Variants in MNAT1 observed in about 807,000 individuals in gnomAD.
The protein encoded by MNAT1 is MNAT1 component of CDK activating kinase.
A neutral mutation model predicts 42.0 loss-of-function variants in MNAT1; 43 were observed. That is an observed-to-expected ratio of 1.02 (90% CI 0.80 to 1.32). MNAT1 has a LOEUF of 1.32. MNAT1 is among the 40% of genes most tolerant of loss of function. MNAT1 has a pLI of 0.00. For synonymous variants in MNAT1, 118 were observed against 120.0 expected, an observed-to-expected ratio of 0.98 and a Z score of 0.11; for missense variants, 306 against 350.4, an observed-to-expected ratio of 0.87 and a Z score of 1.01.
intron 7 of MNAT1, among the ~76,000 whole-genome samples, chr14:60,917,206 C>A (rs1379083766): frequency 6.6e-6 from 1 of 152,090 alleles, no homozygotes. Flanking sequence ...TTGGCGTAGC[C>A]TCAGGCAAAT....
intron 7 of MNAT1, among the ~76,000 whole-genome samples, chr14:60,947,895 G>A (rs918112066): frequency 1.6e-4 from 25 of 151,976 alleles, no homozygotes; most frequent in Non-Finnish European, 3.1e-4. Context: ...AATCTTCCAG[G>A]CTCCAGACCT....
At chr14:60,896,388 T>A (rs1409513242) in intron 7 of MNAT1, among the ~76,000 whole-genome samples, 1 of 152,184 alleles carries the variant, frequency 6.6e-6, no homozygotes, top group Non-Finnish European at 1.5e-5. Context: ...TTTTACTACC[T>A]TCCACTCAAA....
At chr14:60,874,244 A>G (rs1043043064) in intron 6 of MNAT1, among the ~76,000 whole-genome samples, 1 of 152,158 alleles carries the variant, frequency 6.6e-6, no homozygotes, top group Non-Finnish European at 1.5e-5. Context: ...TTTGAGTTCA[A>G]ATTAGCCTTG....
At chr14:60,787,619 C>T (rs1256510515) in intron 1 of MNAT1, among the ~76,000 whole-genome samples, 2 of 152,134 alleles carry the variant, frequency 1.3e-5, no homozygotes, top group African/African-American at 2.4e-5. Flanking sequence ...GAAAATTCCT[C>T]GCAAAATTGG....
chr14:60,867,050 T>G (rs948573126), intron 6 of MNAT1, among the ~76,000 whole-genome samples: 4 of 152,060 alleles, frequency 2.6e-5, no homozygotes, highest in Non-Finnish European at 4.4e-5. Context: ...GTAAACAGAT[T>G]TTGATGAGTT....
chr14:60,856,921 C>T (rs1003495255), intron 6 of MNAT1, among the ~76,000 whole-genome samples: 6 of 152,032 alleles, frequency 3.9e-5, no homozygotes, highest in Admixed American at 1.3e-4. Context: ...CCTCGTGATC[C>T]GCCCGCCTCG....
intron 6 of MNAT1, among the ~76,000 whole-genome samples, chr14:60,844,061 G>T (rs906444098): frequency 6.6e-6 from 1 of 151,930 alleles, no homozygotes; most frequent in Non-Finnish European, 1.5e-5. Context: ...TCACATATTT[G>T]GTGCCTTTGT....
Position 60,902,612 on chromosome 14 carries a change from A to C in MNAT1, c.809+22777A>C, listed in dbSNP as rs150821449. Among the ~76,000 whole-genome samples the C allele has an allele frequency of 2.0e-5, 3 of 152,270 alleles. No individual in the cohort carries two copies. In the East Asian group the frequency reaches 5.8e-4, roughly 29 times the overall value. On this transcript the variant is annotated intron_variant, in intron 7 of 7. Coordinates refer to ENST00000261245, the MANE Select transcript of MNAT1 (RefSeq NM_002431.4). ...AAAGCCACCAACAACTTAGCTAATA[A>C]GATACATCCATCCCCCTATATAGTA...
At chr14:60,922,990 T>A (rs2139556092) in intron 7 of MNAT1, among the ~76,000 whole-genome samples, 1 of 152,318 alleles carries the variant, frequency 6.6e-6, no homozygotes, top group South Asian at 2.1e-4. Flanking sequence ...TTGTTGTAGG[T>A]GAAGAGTCCT....
At chr14:60,917,913 A>G (rs1443049759) in intron 7 of MNAT1, among the ~76,000 whole-genome samples, 1 of 151,874 alleles carries the variant, frequency 6.6e-6, no homozygotes, top group South Asian at 2.1e-4. Flanking sequence ...TAGGCGTGAG[A>G]CACCGTGTCT....
chr14:60,891,217 CTT>C (rs2034836496), intron 7 of MNAT1, among the ~76,000 whole-genome samples: 1 of 151,836 alleles, frequency 6.6e-6, no homozygotes. Context: ...TAATTTAAGT[CTT>C]CTCTCGTTTT....
rs2036747420 is a variant in MNAT1, at chr14:60,969,698, GTC to G, written c.*1351_*1352del. On this transcript the variant is annotated 3_prime_UTR_variant, in exon 8 of 8. Transcript: ENST00000261245. ...CTGAGGATTAGTGTTTTTAAGTACA[GTC>G]TATAAATCTGTTCAAAGAATAGTTA... 6.6e-6 allele frequency: 1 copy of G among 152,044 alleles called. No homozygotes were observed. The highest frequency in any genetic ancestry group is 1.5e-5 in the Non-Finnish European group (1 of 68,006). The allele number at this position is 152,044 out of a possible 1,614,324, so 9.4% of individuals were successfully genotyped here.
At chr14:60,893,891 A>T (rs147169687) in intron 7 of MNAT1, among the ~76,000 whole-genome samples, 25 of 152,070 alleles carry the variant, frequency 1.6e-4, no homozygotes, top group Non-Finnish European at 3.1e-4. Context: ...TCCTTTTCCA[A>T]CGTTAGTCAT....
Position 60,812,065 on chromosome 14 carries a change from AAAG to A in MNAT1, c.505_507del (p.Glu169del). ...TGAACAAAGAAGATTATTTATACAA[AAAG>A]AAGAACAACTGCAGCAGATTCTAAA... On this transcript the variant is annotated inframe_deletion, in exon 5 of 8. Coordinates refer to ENST00000261245, the MANE Select transcript of MNAT1 (RefSeq NM_002431.4). 1 of 1,604,470 alleles carries A rather than the reference AAAG, an allele frequency of 6.2e-7. No individual in the cohort carries two copies. Among genetic ancestry groups the A allele is most frequent in the South Asian group, 1.1e-5 (1 of 87,802 alleles).
In MNAT1 at chr14:60,849,617, T is replaced by A. The variant is rs530516946; in HGVS notation, c.688-30097T>A. ...AGTGAACTTGCATGTAAATATGCAC[T>A]GTGGATATTATTAATTCCCTTCTTT... is the stretch of plus-strand genomic sequence containing the variant. On this transcript the variant is annotated intron_variant, in intron 6 of 7. Coordinates refer to ENST00000261245, the MANE Select transcript of MNAT1 (RefSeq NM_002431.4). Among the ~76,000 whole-genome samples, 67 of 152,324 alleles carry A rather than the reference T, an allele frequency of 4.4e-4. 1 individual carries two copies. The highest frequency in any genetic ancestry group is 1.6e-3 in the African/African-American group (66 of 41,570).
intron 7 of MNAT1, among the ~76,000 whole-genome samples, chr14:60,930,536 C>G (rs571003232): frequency 1.8e-4 from 27 of 152,210 alleles, no homozygotes; most frequent in African/African-American, 6.5e-4. Context: ...CATAATTCCT[C>G]TTTCAAAAGC....
rs2139524512 is a variant in MNAT1 at position 60,910,222 on chromosome 14, G to C, written c.809+30387G>C. Among the ~76,000 whole-genome samples, 3 of 152,228 alleles carry C rather than the reference G, an allele frequency of 2.0e-5. No homozygotes were observed. The East Asian group carries it at 5.8e-4, about 29-fold the overall frequency. On this transcript the variant is annotated intron_variant, in intron 7 of 7. Transcript: ENST00000261245. ...TTGCTTATCAGCTTAAGGAGATTTT[G>C]GGCCGAGATGATGGGGTTTTCTAGA...
rs559087244 is a variant in MNAT1 at position 60,747,689 on chromosome 14, C to T, written c.89+12738C>T. On this transcript the variant is annotated intron_variant, in intron 1 of 7. Coordinates refer to ENST00000261245, the MANE Select transcript of MNAT1 (RefSeq NM_002431.4). ...TACACTACTGTAGACATTATAAGCC[C>T]TGTACACTTAGGCTACACTAAATTT... 4.6e-5 allele frequency among the ~76,000 whole-genome samples: 7 copies of T among 152,258 alleles called. No homozygotes were observed. In the East Asian group the frequency reaches 1.4e-3, roughly 29 times the overall value.
chr14:60,739,982 C>T (rs4151159), intron 1 of MNAT1, among the ~76,000 whole-genome samples: 67 of 152,192 alleles, frequency 4.4e-4, no homozygotes, highest in African/African-American at 1.5e-3. Context: ...AGTGAAACCC[C>T]GTCTCTACTA....
Sources: allele counts gnomAD v4.1 joint callset (sites outside exome capture counted in the v4.1 genomes callset), GRCh38; gene constraint gnomAD v4.1.1; transcripts MANE v1.5; gene names NCBI Gene and HGNC (gene_info 2026-07-23, HGNC 2026-07-21).